The following KAZN variants were observed in gnomAD, a reference collection of about 807,000 sequenced individuals.
The protein encoded by KAZN is kazrin, periplakin interacting protein, also known as kazrin.
KAZN carries 40 observed loss-of-function variants against 87.4 expected under a neutral mutation model. The observed-to-expected ratio is 0.46, with a 90% CI of 0.36 to 0.60. The LOEUF (loss-of-function observed/expected upper bound fraction) is 0.60, where lower values mean the gene tolerates loss of function less well. KAZN is among the 20% of genes least tolerant of loss of function. The pLI is 0.00. For missense variants in KAZN, 898 were observed against 1,073.9 expected (o/e 0.84, Z 2.29); for synonymous variants, 466 against 458.3 (o/e 1.02, Z -0.22).
chr1:13,919,587 C>T (rs1259534721), intron 1 of KAZN, among the ~76,000 whole-genome samples: 1 of 152,208 alleles, frequency 6.6e-6, no homozygotes, highest in African/African-American at 2.4e-5. Context: ...TGCCTGTGTT[C>T]AGCCTTCAAA....
At chr1:15,068,809 T>A (rs16851208) in intron 8 of KAZN, among the ~76,000 whole-genome samples, 2 of 151,554 alleles carry the variant, frequency 1.3e-5, no homozygotes, top group Admixed American at 6.6e-5. Flanking sequence ...TGAAAAAAAA[T>A]TTTCCCCGGC....
In KAZN at chr1:15,112,453, G is replaced by A. The variant is rs771618508; in HGVS notation, c.2075G>A (p.Arg692His). The change falls in exon 14 of 15, where the codon CGT becomes CAT. Residue 692 changes from arginine (R) to histidine (H), a missense_variant. By Grantham distance (29) the Arg-to-His change is conservative (BLOSUM62 0). Coordinates refer to ENST00000376030, the MANE Select transcript of KAZN (RefSeq NM_201628.3). ...ANSTGIREAE[R>H]FGTPPGRASS... ...TCCACAGGCATCCGGGAGGCTGAGC[G>A]TTTTGGAACGCCCCCTGGCAGGGCC... The A allele has an allele frequency of 5.4e-5, 87 of 1,604,924 alleles. No individual in the cohort carries two copies. The highest frequency in any genetic ancestry group is 8.5e-5 in the Admixed American group (5 of 58,648).
chr1:14,396,399 G>A (rs1171332557), intron 2 of KAZN, among the ~76,000 whole-genome samples: 3 of 152,214 alleles, frequency 2.0e-5, no homozygotes, highest in East Asian at 3.9e-4. Context: ...TATGACCCGT[G>A]GCTTAGACAT....
At chr1:13,982,187 G>T (rs974371114) in intron 1 of KAZN, among the ~76,000 whole-genome samples, 2 of 152,202 alleles carry the variant, frequency 1.3e-5, no homozygotes, top group African/African-American at 4.8e-5. Context: ...GCGGATCATG[G>T]ACGTGTTTTC....
intron 2 of KAZN, among the ~76,000 whole-genome samples, chr1:14,420,554 G>T (rs911190249): frequency 3.9e-5 from 6 of 152,208 alleles, no homozygotes; most frequent in Non-Finnish European, 8.8e-5. Flanking sequence ...GGAGCAAGGG[G>T]TGCGCTCGTC....
chr1:14,274,031 A>G (rs1360462399), intron 2 of KAZN, among the ~76,000 whole-genome samples: 2 of 152,112 alleles, frequency 1.3e-5, no homozygotes, highest in Non-Finnish European at 2.9e-5. Context: ...TCTCCTATTT[A>G]TGTGTTTCTT....
At chr1:14,051,670 T>C (rs1642335318) in intron 1 of KAZN, among the ~76,000 whole-genome samples, 1 of 152,004 alleles carries the variant, frequency 6.6e-6, no homozygotes, top group South Asian at 2.1e-4. Context: ...TGAAACCCTG[T>C]CTCCACAAAA....
At chr1:14,507,993 T>A (rs1475331977) in intron 2 of KAZN, among the ~76,000 whole-genome samples, 5 of 144,710 alleles carry the variant, frequency 3.5e-5, no homozygotes, top group South Asian at 4.5e-4. Flanking sequence ...AAAAAAAAAA[T>A]GTGACGTTGC....
At chr1:15,023,298 A>C (rs1670865511) in intron 2 of KAZN, among the ~76,000 whole-genome samples, 1 of 152,216 alleles carries the variant, frequency 6.6e-6, no homozygotes, top group Admixed American at 6.5e-5. Flanking sequence ...CACAGAATAC[A>C]CAGTGTTAAG....
chr1:14,106,824 C>T (rs1477799858), intron 1 of KAZN, among the ~76,000 whole-genome samples: 1 of 152,192 alleles, frequency 6.6e-6, no homozygotes, highest in Non-Finnish European at 1.5e-5. Flanking sequence ...CTGGTAACCT[C>T]TGCTTTTATG....
chr1:14,622,198 T>C (rs1678749773), intron 1 of KAZN, among the ~76,000 whole-genome samples: 1 of 152,164 alleles, frequency 6.6e-6, no homozygotes, highest in African/African-American at 2.4e-5. Context: ...ATTGTAAATG[T>C]TGACCGATCC....
intron 2 of KAZN, among the ~76,000 whole-genome samples, chr1:14,400,465 G>A (rs1663306479): frequency 6.6e-6 from 1 of 152,134 alleles, no homozygotes; most frequent in Non-Finnish European, 1.5e-5. Context: ...CAGATGTGTG[G>A]TCCAAGGTCA....
At chr1:14,941,469 G>A (rs914788977) in intron 1 of KAZN, among the ~76,000 whole-genome samples, 1 of 151,268 alleles carries the variant, frequency 6.6e-6, no homozygotes, top group African/African-American at 2.4e-5. Flanking sequence ...TTGGAAAAAG[G>A]AGGTTGAATT....
chr1:14,790,449 A>G (rs745979543), intron 1 of KAZN, among the ~76,000 whole-genome samples: 13 of 152,210 alleles, frequency 8.5e-5, no homozygotes, highest in Non-Finnish European at 1.8e-4. Context: ...AATAATCCAC[A>G]TACCATAAAA....
intron 1 of KAZN, chr1:14,924,353 C>T: frequency 1.0e-6 from 1 of 988,414 alleles, no homozygotes; most frequent in African/African-American, 1.8e-5. Context: ...AGCGTCCCCC[C>T]GGGCACCCGG....
intron 2 of KAZN, among the ~76,000 whole-genome samples, chr1:14,375,348 C>T (rs1332688902): frequency 1.3e-5 from 2 of 152,110 alleles, no homozygotes; most frequent in African/African-American, 4.8e-5. Context: ...GTCAGTCCAA[C>T]ACAGACAGCC....
intron 1 of KAZN, among the ~76,000 whole-genome samples, chr1:14,121,262 T>C (rs1353648674): frequency 1.3e-5 from 2 of 152,184 alleles, no homozygotes; most frequent in African/African-American, 4.8e-5. Flanking sequence ...ATGCAAACCT[T>C]CCCTTAAAAA....
intron 2 of KAZN, among the ~76,000 whole-genome samples, chr1:14,365,764 C>T (rs1364554855): frequency 3.3e-5 from 5 of 152,174 alleles, no homozygotes; most frequent in Admixed American, 2.0e-4. Flanking sequence ...CAGTTAAGAA[C>T]CTCCGGGTTA....
chr1:14,467,260 A>C (rs1327302964), intron 2 of KAZN, among the ~76,000 whole-genome samples: 3 of 151,992 alleles, frequency 2.0e-5, no homozygotes, highest in Non-Finnish European at 4.4e-5. Context: ...AATTTGAATT[A>C]GATTGTTTTA....
Sources: allele counts gnomAD v4.1 joint callset (sites outside exome capture counted in the v4.1 genomes callset), GRCh38; gene constraint gnomAD v4.1.1; transcripts MANE v1.5; gene names NCBI Gene and HGNC (gene_info 2026-07-23, HGNC 2026-07-21).